Variants in FHIT observed in about 807,000 individuals in gnomAD.
FHIT encodes the protein fragile histidine triad diadenosine triphosphatase.
Under a neutral mutation model 17.9 loss-of-function variants are expected in FHIT, and 19 were observed. That is an observed-to-expected ratio of 1.06 (90% confidence interval 0.74 to 1.56). The LOEUF (loss-of-function observed/expected upper bound fraction) is 1.56, where lower values mean the gene tolerates loss of function less well. Among genes scored for constraint, FHIT ranks in the 40% most tolerant of loss-of-function variants. The pLI, the probability that FHIT is intolerant of heterozygous loss-of-function variation, is 0.00. For synonymous variants in FHIT, 81 were observed against 69.7 expected (o/e 1.16, Z -0.81); for missense variants, 248 against 189.2 (o/e 1.31, Z -1.82).
At chr3:60,202,279 T>A (rs1330576910) in intron 5 of FHIT, among the ~76,000 whole-genome samples, 1 of 152,228 alleles carries the variant, frequency 6.6e-6, no homozygotes, top group Non-Finnish European at 1.5e-5. Context: ...TAGCACTCGT[T>A]TCTGATTCTC....
intron 7 of FHIT, among the ~76,000 whole-genome samples, chr3:59,980,665 G>C (rs62240115): frequency 0.087 from 13,235 of 152,254 alleles, 809 homozygotes; most frequent in South Asian, 0.15. Flanking sequence ...AAGGAGGCAA[G>C]GGGCCGTTTC....
intron 3 of FHIT, among the ~76,000 whole-genome samples, chr3:60,866,683 G>A (rs1704179121): frequency 6.6e-6 from 1 of 152,170 alleles, no homozygotes; most frequent in Non-Finnish European, 1.5e-5. Context: ...GCAGCAATAG[G>A]TACCTAACCC....
chr3:59,955,556 A>T (rs1392852171), intron 7 of FHIT, among the ~76,000 whole-genome samples: 1 of 152,156 alleles, frequency 6.6e-6, no homozygotes, highest in Admixed American at 6.5e-5. Flanking sequence ...TCAGACTCAA[A>T]TATCAAACTA....
At chr3:60,359,104 T>G (rs534963861) in intron 5 of FHIT, among the ~76,000 whole-genome samples, 36 of 152,002 alleles carry the variant, frequency 2.4e-4, no homozygotes, top group Non-Finnish European at 4.4e-4. Flanking sequence ...CCAAATCACA[T>G]GCATTATACC....
At chr3:60,833,902 T>C (rs1252104384) in intron 3 of FHIT, among the ~76,000 whole-genome samples, 2 of 152,228 alleles carry the variant, frequency 1.3e-5, no homozygotes, top group African/African-American at 4.8e-5. Flanking sequence ...TGTAATCTTT[T>C]GGTTTTGTGT....
chr3:60,404,890 G>A (rs1028248054), intron 5 of FHIT, among the ~76,000 whole-genome samples: 28 of 152,140 alleles, frequency 1.8e-4, no homozygotes, highest in Non-Finnish European at 3.8e-4. Context: ...GAAGGAGTAG[G>A]AAGCAATACA....
At chr3:59,853,234 A>G (rs75991173) in intron 8 of FHIT, among the ~76,000 whole-genome samples, 1,789 of 152,258 alleles carry the variant, frequency 0.012, 35 homozygotes, top group African/African-American at 0.04. Flanking sequence ...GTGTGGTGGT[A>G]TCTCACTGTT....
chr3:59,796,420 C>A (rs1437126405), intron 8 of FHIT, among the ~76,000 whole-genome samples: 3 of 152,158 alleles, frequency 2.0e-5, no homozygotes, highest in South Asian at 2.1e-4. Flanking sequence ...CCAGGTTTTT[C>A]ATGTACGTTC....
intron 5 of FHIT, among the ~76,000 whole-genome samples, chr3:60,532,965 GAA>G (rs2035841918): frequency 1.9e-5 from 1 of 52,626 alleles, no homozygotes; most frequent in East Asian, 6.1e-4. Context: ...CCATTTTTAA[GAA>G]GAAGTCATCA....
At chr3:61,210,085 T>C (rs2039407037) in intron 1 of FHIT, among the ~76,000 whole-genome samples, 1 of 152,232 alleles carries the variant, frequency 6.6e-6, no homozygotes, top group East Asian at 1.9e-4. Flanking sequence ...CACTCCAGAC[T>C]CTGTGTGCCT....
chr3:60,422,188 C>T (rs1702500696), intron 5 of FHIT, among the ~76,000 whole-genome samples: 1 of 152,086 alleles, frequency 6.6e-6, no homozygotes. Context: ...CAAATGTTTG[C>T]TTTATCGTAT....
intron 3 of FHIT, among the ~76,000 whole-genome samples, chr3:60,846,362 A>T (rs539575598): frequency 3.9e-5 from 6 of 152,236 alleles, no homozygotes; most frequent in Non-Finnish European, 7.3e-5. Context: ...TATGTAGGAA[A>T]CACAAACTTC....
chr3:59,827,352 A>G (rs1701012730), intron 8 of FHIT, among the ~76,000 whole-genome samples: 1 of 152,248 alleles, frequency 6.6e-6, no homozygotes, highest in Non-Finnish European at 1.5e-5. Flanking sequence ...AGAGATGGCA[A>G]AAATAACAGA....
intron 4 of FHIT, among the ~76,000 whole-genome samples, chr3:60,612,398 C>T (rs2038812881): frequency 6.6e-6 from 1 of 152,238 alleles, no homozygotes; most frequent in South Asian, 2.1e-4. Context: ...CCAATTAGTA[C>T]CAACTAGATT....
At chr3:59,802,252 T>A (rs1305422547) in intron 8 of FHIT, among the ~76,000 whole-genome samples, 1 of 152,226 alleles carries the variant, frequency 6.6e-6, no homozygotes, top group Non-Finnish European at 1.5e-5. Context: ...CCAAAGCGTC[T>A]GCCCTATTCA....
chr3:60,937,289 T>C (rs574058570), intron 3 of FHIT, among the ~76,000 whole-genome samples: 33 of 152,220 alleles, frequency 2.2e-4, no homozygotes, highest in Admixed American at 1.8e-3. Context: ...CTGTATTTGG[T>C]CAGTAACTTT....
At chr3:60,406,437 C>G (rs538064241) in intron 5 of FHIT, among the ~76,000 whole-genome samples, 1 of 152,170 alleles carries the variant, frequency 6.6e-6, no homozygotes, top group Non-Finnish European at 1.5e-5. Context: ...CCTGGCAGAC[C>G]ACTGGAGCCA....
intron 8 of FHIT, among the ~76,000 whole-genome samples, chr3:59,824,354 C>T (rs371375773): frequency 2.6e-5 from 4 of 152,288 alleles, no homozygotes; most frequent in East Asian, 1.9e-4. Context: ...CCTTGCATTG[C>T]GTATCTTACA....
chr3:60,323,560 G>T (rs1019456910), intron 5 of FHIT, among the ~76,000 whole-genome samples: 8 of 152,128 alleles, frequency 5.3e-5, no homozygotes, highest in Non-Finnish European at 1.0e-4. Flanking sequence ...GAGGTTTCCA[G>T]ACTCCACAGG....
Sources: allele counts gnomAD v4.1 joint callset (sites outside exome capture counted in the v4.1 genomes callset), GRCh38; gene constraint gnomAD v4.1.1; transcripts MANE v1.5; gene names NCBI Gene and HGNC (gene_info 2026-07-23, HGNC 2026-07-21).